KCNK5: variants seen among roughly 807,000 people sequenced by gnomAD.
KCNK5 encodes potassium two pore domain channel subfamily K member 5.
A neutral mutation model predicts 32.9 loss-of-function variants in KCNK5; 18 were observed. That is an observed-to-expected ratio of 0.55 (90% CI 0.38 to 0.81). The LOEUF (loss-of-function observed/expected upper bound fraction) is 0.81, where lower values mean the gene tolerates loss of function less well. KCNK5 is among the 30% of genes least tolerant of loss of function. The pLI, the probability that KCNK5 is intolerant of heterozygous loss-of-function variation, is 0.00. For synonymous variants in KCNK5, 276 were observed against 275.3 expected, an observed-to-expected ratio of 1.00 and a Z score of -0.03; for missense variants, 507 against 651.0, an observed-to-expected ratio of 0.78 and a Z score of 2.41.
chr6:39,221,330 C>T (rs1435088274), intron 1 of KCNK5, among the ~76,000 whole-genome samples: 1 of 152,146 alleles, frequency 6.6e-6, no homozygotes, highest in Admixed American at 6.5e-5. Flanking sequence ...CTCCCAGCCC[C>T]CGACTCCACC....
chr6:39,195,808 G>T, intron 2 of KCNK5, 68 bp downstream of exon 2: 10 of 1,116,986 alleles, frequency 9.0e-6, no homozygotes, highest in East Asian at 2.4e-5. Flanking sequence ...ACCAGAGCTG[G>T]GTTTCTAGAA....
intron 1 of KCNK5, among the ~76,000 whole-genome samples, chr6:39,206,652 A>G (rs1771230787): frequency 6.6e-6 from 1 of 151,976 alleles, no homozygotes; most frequent in Non-Finnish European, 1.5e-5. Context: ...CTCCAACACA[A>G]ATATCAAGTG....
At chr6:39,218,914 C>T (rs1771491135) in intron 1 of KCNK5, among the ~76,000 whole-genome samples, 2 of 152,208 alleles carry the variant, frequency 1.3e-5, no homozygotes, top group Non-Finnish European at 1.5e-5. Context: ...TCTCCTGCCC[C>T]AGCTCGTCCA....
chr6:39,227,068 TATG>T (rs1562060282), intron 1 of KCNK5, among the ~76,000 whole-genome samples: 1 of 152,158 alleles, frequency 6.6e-6, no homozygotes. Context: ...CCTCCAAAGC[TATG>T]ACCACCAGCT....
chr6:39,227,935 C>G (rs1199840478), intron 1 of KCNK5, among the ~76,000 whole-genome samples: 1 of 152,166 alleles, frequency 6.6e-6, no homozygotes, highest in Non-Finnish European at 1.5e-5. Flanking sequence ...TCCCTACCTG[C>G]TGCAATCTAG....
intron 1 of KCNK5, among the ~76,000 whole-genome samples, chr6:39,202,169 T>C (rs527925351): frequency 6.6e-6 from 1 of 152,354 alleles, no homozygotes; most frequent in Non-Finnish European, 1.5e-5. Flanking sequence ...ATTTACTGAA[T>C]GAGTGAATAA....
chr6:39,206,238 C>T (rs1583711508), intron 1 of KCNK5, among the ~76,000 whole-genome samples: 1 of 152,214 alleles, frequency 6.6e-6, no homozygotes. Context: ...AACCAAAGCA[C>T]AGCAGGGAAT....
chr6:39,193,377 G>A (rs1286290119), intron 4 of KCNK5, among the ~76,000 whole-genome samples: 1 of 152,250 alleles, frequency 6.6e-6, no homozygotes, highest in Non-Finnish European at 1.5e-5. Context: ...CATACATCAA[G>A]CACAAGGCTA....
chr6:39,214,262 C>T (rs887608444), intron 1 of KCNK5, among the ~76,000 whole-genome samples: 2 of 152,192 alleles, frequency 1.3e-5, no homozygotes, highest in South Asian at 4.1e-4. Context: ...GATAGACATG[C>T]TCCCAGAGTG....
chr6:39,197,105 TC>T (rs1771044724), intron 1 of KCNK5, among the ~76,000 whole-genome samples: 1 of 151,940 alleles, frequency 6.6e-6, no homozygotes. Flanking sequence ...GGGTAGGCCA[TC>T]CAGACCAGAA....
At chr6:39,200,806 C>T (rs1274089934) in intron 1 of KCNK5, among the ~76,000 whole-genome samples, 1 of 151,998 alleles carries the variant, frequency 6.6e-6, no homozygotes. Flanking sequence ...GTAATCTTGA[C>T]TCCCAGACAT....
intron 1 of KCNK5, among the ~76,000 whole-genome samples, chr6:39,228,511 G>A (rs986572898): frequency 5.9e-5 from 9 of 152,180 alleles, no homozygotes; most frequent in Non-Finnish European, 1.2e-4. Context: ...ACTGGCCCTG[G>A]AGCGGGGAGG....
intron 1 of KCNK5, among the ~76,000 whole-genome samples, chr6:39,216,144 G>T (rs533568099): frequency 6.6e-6 from 1 of 152,290 alleles, no homozygotes; most frequent in East Asian, 1.9e-4. Flanking sequence ...AATTTGCAGG[G>T]TGTGGTGGTG....
intron 1 of KCNK5, among the ~76,000 whole-genome samples, chr6:39,227,939 A>C (rs2113801869): frequency 6.6e-6 from 1 of 152,256 alleles, no homozygotes; most frequent in East Asian, 1.9e-4. Flanking sequence ...TACCTGCTGC[A>C]ATCTAGAACT....
At chr6:39,207,477 C>T (rs898556974) in intron 1 of KCNK5, among the ~76,000 whole-genome samples, 3 of 152,182 alleles carry the variant, frequency 2.0e-5, no homozygotes, top group South Asian at 4.1e-4. Context: ...GGAGCCCAGA[C>T]AGGTGCAGGC....
intron 4 of KCNK5, among the ~76,000 whole-genome samples, chr6:39,193,304 G>A (rs1203114179): frequency 6.6e-6 from 1 of 152,184 alleles, no homozygotes; most frequent in African/African-American, 2.4e-5. Context: ...GCAGGGTCAG[G>A]GGAGTGTTTG....
At chr6:39,220,116 C>A (rs1487375653) in intron 1 of KCNK5, among the ~76,000 whole-genome samples, 1 of 152,304 alleles carries the variant, frequency 6.6e-6, no homozygotes, top group African/African-American at 2.4e-5. Context: ...CCCAGTGTGG[C>A]CAACAAGGCC....
chr6:39,189,608 G>C lies in KCNK5; in HGVS notation c.*1282C>G, dbSNP rs1770883926. ...TCAGGACACAGTGGGCCAGCCCCAG[G>C]GTGAACATCATGGAGAACCCAAGAA... is the stretch of plus-strand genomic sequence containing the variant. On this transcript the variant is annotated 3_prime_UTR_variant, in exon 5 of 5. Transcript: ENST00000359534. 1 of 152,636 alleles carries C rather than the reference G, an allele frequency of 6.6e-6. No homozygotes were observed. The highest frequency in any genetic ancestry group is 1.5e-5 in the Non-Finnish European group (1 of 68,048). 9.5% of individuals were successfully genotyped at this position (152,636 alleles called of 1,614,324 possible).
rs1355207702 is a variant in KCNK5, at chr6:39,189,564, C to CA, written c.*1325dup. ...ACAGCAGTTTGTTTAAAAAATAAAA[C>CA]AAAAAATAACAAAAACATTCAGGAC... is the stretch of plus-strand genomic sequence containing the variant. On this transcript the variant is annotated 3_prime_UTR_variant, in exon 5 of 5. Coordinates refer to ENST00000359534, the MANE Select transcript of KCNK5 (RefSeq NM_003740.4). 1 of 152,572 alleles carries CA rather than the reference C, an allele frequency of 6.6e-6. No individual in the cohort carries two copies. Among genetic ancestry groups the CA allele is most frequent in the Non-Finnish European group, 1.5e-5 (1 of 68,018 alleles). The allele number at this position is 152,572 out of a possible 1,614,324, so 9.5% of individuals were successfully genotyped here.
Sources: allele counts gnomAD v4.1 joint callset (sites outside exome capture counted in the v4.1 genomes callset), GRCh38; gene constraint gnomAD v4.1.1; transcripts MANE v1.5; gene names NCBI Gene and HGNC (gene_info 2026-07-23, HGNC 2026-07-21).